The following KRTAP6-1 variants were observed in gnomAD, a reference collection of about 807,000 sequenced individuals.
The protein encoded by KRTAP6-1 is keratin associated protein 6-1, also known as keratin-associated protein 6-1.
In KRTAP6-1, 2 loss-of-function variants were observed where a neutral mutation model predicts 1.6. That is an observed-to-expected ratio of 1.22 (90% CI 0.50 to 3.85). KRTAP6-1 has a LOEUF of 3.85. KRTAP6-1 is among the 30% of genes most tolerant of loss of function. The pLI is 0.07. For missense variants in KRTAP6-1, 78 were observed against 87.7 expected, an observed-to-expected ratio of 0.89 and a Z score of 0.44; for synonymous variants, 38 against 38.5, an observed-to-expected ratio of 0.99 and a Z score of 0.05.
chr21:30,613,926 C>T lies in KRTAP6-1; in HGVS notation c.-22G>A, dbSNP rs186696955. On this transcript the variant is annotated 5_prime_UTR_variant, in exon 1 of 1. Coordinates refer to ENST00000329122, the Ensembl canonical transcript of KRTAP6-1. ...ACATGGTGTTGGTTGTGGAGGTTGT[C>T]CTTGGGTAGGAGGAAGTGTAGGTGA... 899 of 1,613,214 alleles carry T rather than the reference C, an allele frequency of 5.6e-4. 7 individuals are homozygous for T. In the African/African-American group the frequency reaches 0.01, roughly 19 times the overall value.
chr21:30,613,777 C>A, exon 1 of KRTAP6-1: 1 of 1,613,618 alleles, frequency 6.2e-7, no homozygotes, highest in African/African-American at 1.3e-5. Flanking sequence ...GCCCAGTCTG[C>A]GGAAGCCACA....
exon 1 of KRTAP6-1, chr21:30,613,513 C>A (rs139799929): frequency 7.7e-7 from 1 of 1,304,426 alleles, no homozygotes; most frequent in Non-Finnish European, 1.0e-6. Context: ...TACCTTATCC[C>A]GTTTCATGAT....
At chr21:30,613,575 T>TA in exon 1 of KRTAP6-1, 1 of 1,555,074 alleles carries the variant, frequency 6.4e-7, no homozygotes, top group African/African-American at 1.4e-5. Context: ...CAGACCATAT[T>TA]AGACTTCCAT....
exon 1 of KRTAP6-1, chr21:30,613,575 T>C (rs915041191): frequency 5.1e-6 from 8 of 1,554,956 alleles, no homozygotes; most frequent in Admixed American, 1.8e-5. Flanking sequence ...CAGACCATAT[T>C]AGACTTCCAT....
chr21:30,613,918 G>T (rs1462299764), exon 1 of KRTAP6-1: 1 of 1,613,692 alleles, frequency 6.2e-7, no homozygotes, highest in Non-Finnish European at 8.5e-7. Flanking sequence ...GTTGGTTGTG[G>T]AGGTTGTCCT....
At chr21:30,613,906 G>A (rs764794068) in exon 1 of KRTAP6-1, 1 of 1,613,964 alleles carries the variant, frequency 6.2e-7, no homozygotes. Context: ...GCCACACATG[G>A]TGTTGGTTGT....
rs375647619 is a variant in KRTAP6-1, at chr21:30,613,753, T to C, written c.152A>G (p.Tyr51Cys). The C allele has an allele frequency of 5.6e-6, 9 of 1,613,412 alleles. No homozygotes were observed. The highest frequency in any genetic ancestry group is 1.7e-5 in the Admixed American group (1 of 59,986). ...ATAGCCACAGAGGGAGCGGGAGCCA[T>C]AGCCATAGCCACAGCCCAGTCTGCG... Residue 51 changes from tyrosine (Y) to cysteine (C), a missense_variant, in exon 1 of 1, where the codon TAT becomes TGT. Transcript: ENST00000329122.
rs776982523 is a variant in KRTAP6-1 at position 30,613,661 on chromosome 21, T to G, written c.*28A>C. The G allele has an allele frequency of 2.7e-5, 44 of 1,613,562 alleles. No homozygotes were observed. In the African/African-American group the frequency reaches 5.7e-4, roughly 21 times the overall value. On this transcript the variant is annotated 3_prime_UTR_variant, in exon 1 of 1. Transcript: ENST00000329122. The stretch of plus-strand genomic sequence containing the variant: ...ATTAGTGAATCTCAGTATCACAGGA[T>G]AGAGGGTGAGAGTCTCCCATGGCAT...
chr21:30,613,551 T>A (rs1980615846), exon 1 of KRTAP6-1: 2 of 1,473,364 alleles, frequency 1.4e-6, no homozygotes, highest in South Asian at 2.8e-5. Flanking sequence ...GTAGGTTAGA[T>A]GGTAGCTCAA....
exon 1 of KRTAP6-1, chr21:30,613,882 T>C: frequency 6.2e-7 from 1 of 1,614,112 alleles, no homozygotes. Flanking sequence ...GCCATAGTAG[T>C]TTCCGTAGTA....
chr21:30,613,684 C>T (rs766165068), exon 1 of KRTAP6-1: 5 of 1,614,084 alleles, frequency 3.1e-6, no homozygotes, highest in South Asian at 1.1e-5. Flanking sequence ...TCTCCCATGG[C>T]ATCCTCAATA....
chr21:30,613,501 T>G (rs1980614731), exon 1 of KRTAP6-1: 1 of 1,239,642 alleles, frequency 8.1e-7, no homozygotes. Context: ...ACAGGTGAAT[T>G]TTACCTTATC....
chr21:30,613,663 G>A (rs761994827), exon 1 of KRTAP6-1: 2 of 1,613,914 alleles, frequency 1.2e-6, no homozygotes, highest in South Asian at 2.2e-5. Context: ...TCACAGGATA[G>A]AGGGTGAGAG....
At chr21:30,613,677 C>G (rs371795038) in exon 1 of KRTAP6-1, 1 of 1,614,056 alleles carries the variant, frequency 6.2e-7, no homozygotes, top group Non-Finnish European at 8.5e-7. Context: ...GTGAGAGTCT[C>G]CCATGGCATC....
At position 30,613,697 on chromosome 21, in the gene KRTAP6-1, A is replaced by G. The variant is rs763273923; in HGVS notation, c.208T>C (p.Tyr70His). The change falls in exon 1 of 1, where the codon TAT (tyrosine) becomes CAT (histidine). Residue 70 changes from tyrosine (Y) to histidine (H), a missense_variant. Coordinates refer to ENST00000329122, the Ensembl canonical transcript of KRTAP6-1. The stretch of plus-strand genomic sequence containing the variant: ...AGTCTCCCATGGCATCCTCAATAAT[A>G]GTAGCCAGAGCCAGAGCCGCATCCA... The G allele has an allele frequency of 2.7e-4, 430 of 1,613,986 alleles. No homozygotes were observed. Among genetic ancestry groups the G allele is most frequent in the Non-Finnish European group, 3.3e-4 (392 of 1,179,996 alleles).
exon 1 of KRTAP6-1, chr21:30,613,777 C>G (rs114162209): frequency 9.3e-6 from 15 of 1,613,502 alleles, no homozygotes; most frequent in Admixed American, 1.7e-5. Context: ...GCCCAGTCTG[C>G]GGAAGCCACA....
exon 1 of KRTAP6-1, chr21:30,613,704 A>G (rs1980620387): frequency 1.9e-6 from 3 of 1,614,010 alleles, no homozygotes; most frequent in South Asian, 1.1e-5. Flanking sequence ...AATAGTAGCC[A>G]GAGCCAGAGC....
At chr21:30,613,889 A>T in exon 1 of KRTAP6-1, 1 of 1,614,164 alleles carries the variant, frequency 6.2e-7, no homozygotes, top group Non-Finnish European at 8.5e-7. Context: ...TAGTTTCCGT[A>T]GTAGCTGCCA....
At chr21:30,613,810 CAGCCCAGGCCTCCATAGCCAT>C (rs760298864) in exon 1 of KRTAP6-1, 70 of 1,613,700 alleles carry the variant, frequency 4.3e-5, no homozygotes, top group East Asian at 1.8e-4. Context: ...GCCATAGCCA[CAGCCCAGGCCTCCATAGCCAT>C]AGCCCAGGCC....
Sources: allele counts gnomAD v4.1 joint callset, GRCh38; gene constraint gnomAD v4.1.1; transcripts MANE v1.5; gene names NCBI Gene and HGNC (gene_info 2026-07-23, HGNC 2026-07-21).